The following CSMD2 variants were observed in gnomAD, a reference collection of about 807,000 sequenced individuals.
The protein encoded by CSMD2 is CUB and Sushi multiple domains 2, also known as CUB and sushi domain-containing protein 2.
CSMD2 carries 130 observed loss-of-function variants against 398.5 expected under a neutral mutation model. That is an observed-to-expected ratio of 0.33 (90% CI 0.28 to 0.38). CSMD2 has a LOEUF of 0.38. Ranked by LOEUF, CSMD2 falls within the 10% of genes least tolerant of loss-of-function variation. The pLI is 1.00. For synonymous variants in CSMD2, 1,828 were observed against 1,908.5 expected, an observed-to-expected ratio of 0.96 and a Z score of 1.10; for missense variants, 3,829 against 4,764.9, an observed-to-expected ratio of 0.80 and a Z score of 5.78.
At chr1:33,538,599 AT>A (rs1656025450) in intron 60 of CSMD2, among the ~76,000 whole-genome samples, 1 of 152,190 alleles carries the variant, frequency 6.6e-6, no homozygotes, top group African/African-American at 2.4e-5. Flanking sequence ...ATGCTGACCA[AT>A]TAGAAGTCAG....
chr1:34,074,863 G>C (rs996773751), intron 2 of CSMD2, among the ~76,000 whole-genome samples: 1 of 152,212 alleles, frequency 6.6e-6, no homozygotes, highest in Non-Finnish European at 1.5e-5. Flanking sequence ...TGAGTTACTT[G>C]AGGAATGAGT....
At chr1:33,857,714 TC>T (rs1335811602) in intron 5 of CSMD2, among the ~76,000 whole-genome samples, 2 of 152,072 alleles carry the variant, frequency 1.3e-5, no homozygotes, top group African/African-American at 4.8e-5. Flanking sequence ...ATGTACCCAT[TC>T]CTGGGGCCAA....
intron 3 of CSMD2, among the ~76,000 whole-genome samples, chr1:33,970,634 C>A (rs1570671000): frequency 6.6e-6 from 1 of 152,330 alleles, no homozygotes; most frequent in Admixed American, 6.5e-5. Flanking sequence ...AGGGAGATGG[C>A]TTCCTCTGAG....
intron 55 of CSMD2, among the ~76,000 whole-genome samples, chr1:33,555,265 C>G (rs1657850154): frequency 6.6e-6 from 1 of 152,200 alleles, no homozygotes. Context: ...AGAAGTGGAG[C>G]CTGAAGATGT....
chr1:33,876,358 G>A (rs1640839820), intron 5 of CSMD2, among the ~76,000 whole-genome samples: 1 of 152,194 alleles, frequency 6.6e-6, no homozygotes, highest in Non-Finnish European at 1.5e-5. Flanking sequence ...CTAGCCATGT[G>A]GCCCTGGGCA....
chr1:33,954,138 T>C (rs1283742464), intron 3 of CSMD2, among the ~76,000 whole-genome samples: 2 of 152,164 alleles, frequency 1.3e-5, no homozygotes, highest in East Asian at 3.9e-4. Context: ...GCTAGTATTA[T>C]CTCCTTCAAC....
intron 5 of CSMD2, chr1:33,862,391 G>GTGTGTGTGTGTA (rs1639600377): frequency 6.8e-6 from 1 of 148,024 alleles, no homozygotes; most frequent in Non-Finnish European, 1.5e-5. Context: ...GTGTGTGTGT[G>GTGTGTGTGTGTA]TGTGTCTGAG....
In CSMD2 at chr1:33,516,263, T is replaced by A. The variant is rs908047620; in HGVS notation, c.*361A>T. On this transcript the variant is annotated 3_prime_UTR_variant, in exon 71 of 71. Coordinates refer to ENST00000373381, the MANE Select transcript of CSMD2 (RefSeq NM_001281956.2). ...TAGTTTTGAAGCCTTTATGGTCTCTTCCATAGGACGTGAATGAAGGAGAGG... is the reference window on the plus strand; with the variant it reads ...TAGTTTTGAAGCCTTTATGGTCTCTACCATAGGACGTGAATGAAGGAGAGG... The A allele has an allele frequency of 6.6e-6, 1 of 152,136 alleles. No individual in the cohort carries two copies. The highest frequency in any genetic ancestry group is 2.4e-5 in the African/African-American group (1 of 41,422). 9.4% of individuals were successfully genotyped at this position (152,136 alleles called of 1,614,324 possible). A position where few individuals can be genotyped will look rare whatever the true frequency, so the allele number is the denominator to read the frequency against.
chr1:33,728,107 T>C (rs1646599131), intron 15 of CSMD2, among the ~76,000 whole-genome samples: 1 of 152,196 alleles, frequency 6.6e-6, no homozygotes, highest in South Asian at 2.1e-4. Flanking sequence ...GATTCAGACC[T>C]AGGCAAGACA....
intron 29 of CSMD2, among the ~76,000 whole-genome samples, chr1:33,641,349 G>A (rs1643099056): frequency 6.6e-6 from 1 of 152,172 alleles, no homozygotes; most frequent in Non-Finnish European, 1.5e-5. Flanking sequence ...TTGCATGTGC[G>A]TGGATGTTTC....
rs113985945 is a variant in CSMD2, at chr1:33,818,266, G to C, written c.1324+1447C>G. ...GGGCTCCCTGGCATTGGAGTGGTAT[G>C]CTATTCAATGAGTCATTCATTCCGT... On this transcript the variant is annotated intron_variant, in intron 9 of 70. Transcript: ENST00000373381. Among the ~76,000 whole-genome samples, 777 of 152,304 alleles carry C rather than the reference G, an allele frequency of 5.1e-3. 4 individuals are homozygous for C. Among genetic ancestry groups the C allele is most frequent in the African/African-American group, 0.017 (726 of 41,556 alleles).
chr1:34,110,962 T>G (rs999332722), intron 1 of CSMD2, among the ~76,000 whole-genome samples: 30 of 152,188 alleles, frequency 2.0e-4, no homozygotes, highest in African/African-American at 6.5e-4. Flanking sequence ...CGCTGGCACC[T>G]CCAATCTCCC....
chr1:33,569,628 A>G, intron 51 of CSMD2, 81 bp from the exon 52 acceptor site: 1 of 1,397,752 alleles, frequency 7.2e-7, no homozygotes, highest in Non-Finnish European at 9.8e-7. Flanking sequence ...AACTGTGACA[A>G]AAATAAGACC....
At chr1:33,913,675 T>C (rs1320640753) in intron 5 of CSMD2, among the ~76,000 whole-genome samples, 1 of 152,120 alleles carries the variant, frequency 6.6e-6, no homozygotes, top group African/African-American at 2.4e-5. Flanking sequence ...AGCCCAAGTG[T>C]CTCTGCTGAC....
intron 21 of CSMD2, among the ~76,000 whole-genome samples, chr1:33,711,558 T>C (rs1047752848): frequency 3.3e-5 from 5 of 152,308 alleles, no homozygotes; most frequent in African/African-American, 7.2e-5. Flanking sequence ...CTGCTTCCAT[T>C]TGGAACCCTA....
At chr1:34,117,868 C>T (rs1661766001) in intron 1 of CSMD2, among the ~76,000 whole-genome samples, 1 of 152,138 alleles carries the variant, frequency 6.6e-6, no homozygotes, top group African/African-American at 2.4e-5. Context: ...ATGATCATCT[C>T]AATGCAGAAA....
intron 25 of CSMD2, among the ~76,000 whole-genome samples, chr1:33,667,581 C>T (rs552823962): frequency 1.4e-3 from 209 of 152,264 alleles, no homozygotes; most frequent in African/African-American, 4.8e-3. Context: ...TGGTTGAGAG[C>T]TAGGCAGGGG....
chr1:33,850,357 G>A (rs528543509), intron 5 of CSMD2, among the ~76,000 whole-genome samples: 1 of 152,196 alleles, frequency 6.6e-6, no homozygotes, highest in East Asian at 1.9e-4. Flanking sequence ...GTACCACCTG[G>A]CTGCACAGAG....
intron 25 of CSMD2, among the ~76,000 whole-genome samples, chr1:33,667,916 G>A (rs991052731): frequency 2.6e-5 from 4 of 152,150 alleles, no homozygotes; most frequent in South Asian, 2.1e-4. Flanking sequence ...GCCATTCTCC[G>A]GGAGCTTCTG....
Sources: gnomAD v4.1 joint callset for allele counts (sites outside exome capture counted in the v4.1 genomes callset) on GRCh38, gnomAD v4.1.1 for gene constraint, MANE v1.5 for transcripts, NCBI Gene and HGNC (gene_info 2026-07-23, HGNC 2026-07-21) for gene names.